The following BRAF variants were observed in gnomAD, a reference collection of about 807,000 sequenced individuals.
The protein encoded by BRAF is B-Raf proto-oncogene, serine/threonine kinase.
A neutral mutation model predicts 104.6 loss-of-function variants in BRAF; 16 were observed. That is an observed-to-expected ratio of 0.15 (90% CI 0.10 to 0.23). BRAF has a LOEUF of 0.23. Among genes scored for constraint, BRAF ranks in the 10% least tolerant of loss-of-function variants. The pLI is 1.00. For missense variants in BRAF, 541 were observed against 937.3 expected (o/e 0.58, Z 5.52); for synonymous variants, 310 against 341.6 (o/e 0.91, Z 1.02).
intron 3 of BRAF, among the ~76,000 whole-genome samples, chr7:140,830,873 C>T (rs916094379): frequency 1.3e-5 from 2 of 152,162 alleles, no homozygotes; most frequent in East Asian, 3.8e-4. Flanking sequence ...CGTCTTTTAC[C>T]TCTTGTAACA....
At chr7:140,805,859 C>T (rs1803606677) in intron 5 of BRAF, among the ~76,000 whole-genome samples, 1 of 152,176 alleles carries the variant, frequency 6.6e-6, no homozygotes, top group African/African-American at 2.4e-5. Context: ...GAACACTTTT[C>T]CTTTCTAAGC....
At chr7:140,787,822 A>T (rs1478186139) in intron 8 of BRAF, among the ~76,000 whole-genome samples, 7 of 152,218 alleles carry the variant, frequency 4.6e-5, no homozygotes. Context: ...TCAAATGTTG[A>T]TGTCCATTTC....
At chr7:140,735,558 AT>A (rs1163272462) in intron 18 of BRAF, among the ~76,000 whole-genome samples, 198 of 145,120 alleles carry the variant, frequency 1.4e-3, no homozygotes, top group Middle Eastern at 3.6e-3. Flanking sequence ...TGAGATACCA[AT>A]TTTTTTTTTT....
intron 2 of BRAF, among the ~76,000 whole-genome samples, chr7:140,839,379 A>C (rs1226090414): frequency 6.6e-6 from 1 of 152,158 alleles, no homozygotes; most frequent in Non-Finnish European, 1.5e-5. Context: ...TTCTAAGAAA[A>C]AGTTTAATTA....
chr7:140,747,486 A>ATGCTTT, intron 17 of BRAF: 1 of 1,069,818 alleles, frequency 9.3e-7, no homozygotes, highest in Non-Finnish European at 1.3e-6. Flanking sequence ...GAACTCTGGG[A>ATGCTTT]TGCTTTTATC....
intron 17 of BRAF, chr7:140,747,281 T>C: frequency 1.5e-6 from 1 of 656,596 alleles, no homozygotes; most frequent in Non-Finnish European, 2.0e-6. Flanking sequence ...TCTTCTCCAT[T>C]AAATACTTAA....
intron 3 of BRAF, among the ~76,000 whole-genome samples, chr7:140,812,879 T>C (rs1804435104): frequency 6.6e-6 from 1 of 151,934 alleles, no homozygotes; most frequent in Admixed American, 6.6e-5. Flanking sequence ...CAGAATAAAC[T>C]ACAAATGGAT....
intron 1 of BRAF, among the ~76,000 whole-genome samples, chr7:140,853,092 G>A (rs1809359320): frequency 6.6e-6 from 1 of 152,030 alleles, no homozygotes; most frequent in Non-Finnish European, 1.5e-5. Flanking sequence ...TGCCTAGAAT[G>A]GCACAGTAGC....
chr7:140,803,515 C>T (rs530043147), intron 5 of BRAF, among the ~76,000 whole-genome samples: 6 of 152,036 alleles, frequency 3.9e-5, no homozygotes, highest in Non-Finnish European at 8.8e-5. Flanking sequence ...ACAGCTCTTC[C>T]TAATCTTACT....
rs377380071 is a variant in BRAF at position 140,911,685 on chromosome 7, A to G, written c.138+12881T>C. Among the ~76,000 whole-genome samples, 12 of 152,320 alleles carry G rather than the reference A, an allele frequency of 7.9e-5. 1 individual carries two copies. In the East Asian group the frequency reaches 1.2e-3, roughly 15 times the overall value. On this transcript the variant is annotated intron_variant, in intron 1 of 19. Coordinates refer to ENST00000644969, the MANE Select transcript of BRAF (RefSeq NM_001374258.1). Reference sequence around the variant, plus strand: ...CAAATTTGGAGAGTGTTTGAAAGAAAGTAATGATGAGATTATGTTATTCTA... The same window carrying G: ...CAAATTTGGAGAGTGTTTGAAAGAAGGTAATGATGAGATTATGTTATTCTA...
chr7:140,727,825 G>C (rs1198073807), intron 19 of BRAF, among the ~76,000 whole-genome samples: 1 of 151,594 alleles, frequency 6.6e-6, no homozygotes, highest in African/African-American at 2.4e-5. Context: ...GTTTCACTGT[G>C]TTAGTTAGGA....
chr7:140,780,091 GT>G (rs1800718284), intron 12 of BRAF, among the ~76,000 whole-genome samples: 1 of 151,774 alleles, frequency 6.6e-6, no homozygotes, highest in African/African-American at 2.4e-5. Context: ...CTTAAGAAAA[GT>G]TTAAAGACAT....
chr7:140,788,995 G>C (rs1404072422), intron 8 of BRAF, among the ~76,000 whole-genome samples: 1 of 151,800 alleles, frequency 6.6e-6, no homozygotes, highest in Non-Finnish European at 1.5e-5. Context: ...TGGATCACGA[G>C]GTTAGGAGTT....
At chr7:140,853,138 G>C (rs1032273067) in intron 1 of BRAF, among the ~76,000 whole-genome samples, 1 of 151,852 alleles carries the variant, frequency 6.6e-6, no homozygotes, top group African/African-American at 2.4e-5. Flanking sequence ...GCCATGCATG[G>C]TGGCTCACGC....
chr7:140,743,179 T>A (rs1797071559), intron 17 of BRAF, among the ~76,000 whole-genome samples: 1 of 151,250 alleles, frequency 6.6e-6, no homozygotes, highest in Admixed American at 6.6e-5. Context: ...TCCTCAGGGA[T>A]CTAGAACTAG....
intron 17 of BRAF, chr7:140,747,388 T>C: frequency 2.3e-6 from 3 of 1,281,544 alleles, no homozygotes; most frequent in Non-Finnish European, 3.0e-6. Context: ...CACACATTCC[T>C]CTCATGGAGA....
chr7:140,800,598 A>C lies in BRAF; in HGVS notation c.861-117T>G. 6 of 1,505,190 alleles carry C rather than the reference A, an allele frequency of 4.0e-6. No homozygotes were observed. In the South Asian group the frequency reaches 7.0e-5, roughly 18 times the overall value. 93.2% of individuals were successfully genotyped at this position (1,505,190 alleles called of 1,614,324 possible). A position where few individuals can be genotyped will look rare whatever the true frequency, so the allele number is the denominator to read the frequency against. ...ATTCCATTCTCAGAAACAACTGTTA[A>C]AATTCAATTAGTTGTATTTTTGTCT... On this transcript the variant is annotated intron_variant, in intron 6 of 19. Coordinates refer to ENST00000644969, the MANE Select transcript of BRAF (RefSeq NM_001374258.1).
At chr7:140,861,970 G>A (rs987347131) in intron 1 of BRAF, among the ~76,000 whole-genome samples, 1 of 152,140 alleles carries the variant, frequency 6.6e-6, no homozygotes, top group African/African-American at 2.4e-5. Context: ...TTGGTAACTG[G>A]GGTGGCCTTA....
intron 1 of BRAF, among the ~76,000 whole-genome samples, chr7:140,890,590 A>G (rs967479816): frequency 3.3e-5 from 5 of 152,212 alleles, no homozygotes; most frequent in African/African-American, 4.8e-5. Context: ...AAAATGCTAC[A>G]TATCAGTGTC....
Sources: allele counts gnomAD v4.1 joint callset (sites outside exome capture counted in the v4.1 genomes callset), GRCh38; gene constraint gnomAD v4.1.1; transcripts MANE v1.5; gene names NCBI Gene and HGNC (gene_info 2026-07-23, HGNC 2026-07-21).